NEGR1: variants seen among roughly 807,000 people sequenced by gnomAD.
The protein encoded by NEGR1 is IgLON family member 4.
Under a neutral mutation model 40.9 loss-of-function variants are expected in NEGR1, and 10 were observed. The observed-to-expected ratio is 0.24, with a 90% CI of 0.15 to 0.42. NEGR1 has a LOEUF of 0.42. Among genes scored for constraint, NEGR1 ranks in the 10% least tolerant of loss-of-function variants. The pLI is 1.00. For missense variants in NEGR1, 352 were observed against 438.9 expected, an observed-to-expected ratio of 0.80 and a Z score of 1.77; for synonymous variants, 185 against 166.8, an observed-to-expected ratio of 1.11 and a Z score of -0.84.
chr1:72,282,484 A>T lies in NEGR1; in HGVS notation c.11T>A (p.Met4Lys). Residue 4 changes from methionine (M) to lysine (K), a missense_variant, in exon 1 of 7, where the codon ATG becomes AAG. This residue lies in a region of NEGR1 where 81 missense variants were observed against 85.8 expected (regional missense o/e 0.94). Transcript: ENST00000357731. ...GCAACAAGCACCCTGCACCAACAGCATCATGTCCATCCCTGCTAGGGCTGC... is the reference window on the plus strand; with the variant it reads ...GCAACAAGCACCCTGCACCAACAGCTTCATGTCCATCCCTGCTAGGGCTGC... MDM[M>K]LLVQGACCSN... The T allele has an allele frequency of 6.2e-7, 1 of 1,610,850 alleles. No individual in the cohort carries two copies. The highest frequency in any genetic ancestry group is 8.5e-7 in the Non-Finnish European group (1 of 1,179,716).
At chr1:72,276,898 A>G (rs1427190543) in intron 1 of NEGR1, among the ~76,000 whole-genome samples, 1 of 152,172 alleles carries the variant, frequency 6.6e-6, no homozygotes, top group African/African-American at 2.4e-5. Context: ...GAAGCCAAAT[A>G]GAAGGTGGTA....
chr1:72,146,022 C>T (rs1650894856), intron 1 of NEGR1, among the ~76,000 whole-genome samples: 1 of 151,706 alleles, frequency 6.6e-6, no homozygotes, highest in African/African-American at 2.4e-5. Context: ...CTGTGTATTT[C>T]TCTCCTCTTT....
intron 6 of NEGR1, among the ~76,000 whole-genome samples, chr1:71,564,792 C>A (rs1197468112): frequency 2.6e-5 from 4 of 152,006 alleles, no homozygotes; most frequent in Non-Finnish European, 4.4e-5. Context: ...CTGGAACTCA[C>A]AGATCATATA....
intron 6 of NEGR1, among the ~76,000 whole-genome samples, chr1:71,551,086 A>G (rs923502812): frequency 1.3e-5 from 2 of 151,612 alleles, no homozygotes; most frequent in East Asian, 2.0e-4. Flanking sequence ...CTTAAATAAC[A>G]TTGCATATTC....
At chr1:72,107,406 A>AT (rs991481036) in intron 1 of NEGR1, among the ~76,000 whole-genome samples, 2 of 151,480 alleles carry the variant, frequency 1.3e-5, no homozygotes, top group Non-Finnish European at 3.0e-5. Flanking sequence ...AGATACATAA[A>AT]TTTTTTTTCA....
rs1650868937 is a variant in NEGR1 at position 72,145,409 on chromosome 1, C to T, written c.176+136910G>A. On this transcript the variant is annotated intron_variant, in intron 1 of 6. Transcript: ENST00000357731. ...GAGTTGTTGAACAGCATTTTTGTTA[C>T]TTGTGAACACTAAATGTAATAGCAG... Among the ~76,000 whole-genome samples, 3 of 152,060 alleles carry T rather than the reference C, an allele frequency of 2.0e-5. No homozygotes were observed. In the South Asian group the frequency reaches 6.2e-4, roughly 31 times the overall value.
chr1:71,824,620 C>A (rs1275280229), intron 2 of NEGR1, among the ~76,000 whole-genome samples: 2 of 151,886 alleles, frequency 1.3e-5, no homozygotes, highest in Non-Finnish European at 2.9e-5. Flanking sequence ...TAATCATCAT[C>A]CAAAACAAGT....
chr1:72,138,736 A>T (rs1350954844), intron 1 of NEGR1, among the ~76,000 whole-genome samples: 1 of 152,060 alleles, frequency 6.6e-6, no homozygotes, highest in Non-Finnish European at 1.5e-5. Flanking sequence ...AAAACTGCTA[A>T]AACTGCAAGC....
At chr1:71,653,274 G>A (rs1024067471) in intron 4 of NEGR1, among the ~76,000 whole-genome samples, 6 of 152,134 alleles carry the variant, frequency 3.9e-5, no homozygotes, top group African/African-American at 1.4e-4. Context: ...AATACTTGTT[G>A]GAATATTTAT....
chr1:71,769,465 A>T (rs1411370196), intron 3 of NEGR1, among the ~76,000 whole-genome samples: 1 of 152,138 alleles, frequency 6.6e-6, no homozygotes, highest in East Asian at 1.9e-4. Flanking sequence ...AGTTCCCATA[A>T]TCCCCATGTG....
intron 1 of NEGR1, among the ~76,000 whole-genome samples, chr1:72,132,617 G>T: frequency 6.6e-6 from 1 of 152,080 alleles, no homozygotes; most frequent in East Asian, 1.9e-4. Context: ...CACTATTACC[G>T]TAGGGTGACT....
chr1:71,954,039 T>A (rs1646095884), intron 1 of NEGR1, among the ~76,000 whole-genome samples: 1 of 151,978 alleles, frequency 6.6e-6, no homozygotes, highest in South Asian at 2.1e-4. Context: ...AAAGAAGAGA[T>A]CATATTTCAC....
At chr1:71,923,449 T>C (rs555964735) in intron 2 of NEGR1, among the ~76,000 whole-genome samples, 5 of 152,232 alleles carry the variant, frequency 3.3e-5, no homozygotes, top group African/African-American at 1.2e-4. Context: ...AAACTTATTC[T>C]AGATGGATAT....
chr1:71,968,892 A>C (rs1184726201), intron 1 of NEGR1, among the ~76,000 whole-genome samples: 6 of 152,172 alleles, frequency 3.9e-5, no homozygotes, highest in African/African-American at 1.4e-4. Flanking sequence ...ATGATGTTTC[A>C]AAATGTTCCA....
chr1:71,558,021 T>C (rs941606274), intron 6 of NEGR1, among the ~76,000 whole-genome samples: 1 of 151,558 alleles, frequency 6.6e-6, no homozygotes, highest in Non-Finnish European at 1.5e-5. Context: ...TCAACTTATG[T>C]ATTTGAGAGA....
intron 6 of NEGR1, among the ~76,000 whole-genome samples, chr1:71,451,927 A>G (rs1646632150): frequency 6.6e-6 from 1 of 152,198 alleles, no homozygotes; most frequent in African/African-American, 2.4e-5. Context: ...CTTTTAGGAC[A>G]GGTCCATATG....
intron 6 of NEGR1, among the ~76,000 whole-genome samples, chr1:71,511,916 G>T (rs1647075675): frequency 6.6e-6 from 1 of 152,092 alleles, no homozygotes; most frequent in African/African-American, 2.4e-5. Flanking sequence ...TAAAGTCAAA[G>T]AATATGTCCA....
intron 2 of NEGR1, among the ~76,000 whole-genome samples, chr1:71,899,591 G>A (rs1351482393): frequency 1.3e-5 from 2 of 152,060 alleles, no homozygotes; most frequent in Admixed American, 6.6e-5. Flanking sequence ...CAGTATCTGC[G>A]TATAACCCCA....
At chr1:71,793,326 G>A (rs1016153571) in intron 2 of NEGR1, among the ~76,000 whole-genome samples, 28 of 17,644 alleles carry the variant, frequency 1.6e-3, no homozygotes, top group Non-Finnish European at 3.0e-3. Flanking sequence ...GGCCAGGTTG[G>A]TCTTGAACTC....
Sources: allele counts gnomAD v4.1 joint callset (sites outside exome capture counted in the v4.1 genomes callset), GRCh38; gene constraint gnomAD v4.1.1; regional missense constraint gnomAD v4.1.1; transcripts MANE v1.5; gene names NCBI Gene and HGNC (gene_info 2026-07-23, HGNC 2026-07-21).